The following CTRC variants were observed in gnomAD, a reference collection of about 807,000 sequenced individuals.
CTRC encodes the protein chymotrypsin C.
CTRC carries 32 observed loss-of-function variants against 35.7 expected under a neutral mutation model. The observed-to-expected ratio is 0.90, with a 90% CI of 0.68 to 1.20. The LOEUF (loss-of-function observed/expected upper bound fraction) is 1.20. Among genes scored for constraint, CTRC ranks in the 50% most tolerant of loss-of-function variants. CTRC has a pLI of 0.00. For missense variants in CTRC, 324 were observed against 361.5 expected (o/e 0.90, Z 0.84); for synonymous variants, 119 against 149.5 (o/e 0.80, Z 1.49).
In CTRC at chr1:15,440,486, C is replaced by A. The variant is rs1350345381; in HGVS notation, c.133-7C>A. On this transcript the variant is annotated splice_polypyrimidine_tract_variant and splice_region_variant and intron_variant, in intron 2 of 7. Transcript: ENST00000375949. ...GCTGACACACAGCCCTCCCCACCCT[C>A]CTGCAGATCTCCCTCCAGTACCTCA... 1 of 1,614,104 alleles carries A rather than the reference C, an allele frequency of 6.2e-7. No homozygotes were observed. The highest frequency in any genetic ancestry group is 1.7e-5 in the Admixed American group (1 of 60,026).
chr1:15,446,353 C>A (rs879331786), intron 7 of CTRC, among the ~76,000 whole-genome samples: 8 of 152,244 alleles, frequency 5.3e-5, no homozygotes, highest in Non-Finnish European at 1.2e-4. Flanking sequence ...TCACCCTGGG[C>A]TGGGGGCTTC....
At position 15,447,983 on chromosome 1, in the gene CTRC, A is replaced by C. The variant is rs1708245278; in HGVS notation, c.*1394A>C. The C allele has an allele frequency of 6.6e-6, 1 of 151,708 alleles. No homozygotes were observed. Among genetic ancestry groups the C allele is most frequent in the African/African-American group, 2.4e-5 (1 of 40,988 alleles). 9.4% of individuals were successfully genotyped at this position (151,708 alleles called of 1,614,324 possible). ...CCCTGGTATACATTTGAAAACAGAA[A>C]TACAGACCAGAAGCATAGAAACAGG... On this transcript the variant is annotated 3_prime_UTR_variant, in exon 8 of 8. Transcript: ENST00000375949.
At chr1:15,444,842 G>C (rs968745495) in intron 6 of CTRC, 91 bp downstream of exon 6, 2 of 1,551,658 alleles carry the variant, frequency 1.3e-6, no homozygotes, top group South Asian at 2.2e-5. Flanking sequence ...CCCTTCTCCT[G>C]GGAGGAGACT....
chr1:15,446,438 A>G lies in CTRC; in HGVS notation c.793-137A>G, dbSNP rs555015. The stretch of plus-strand genomic sequence containing the variant: ...AATGCTGAGGGCCTCAGACCCCTTG[A>G]ACAGGGACAAGGCTGGCATGTGAAG... On this transcript the variant is annotated intron_variant, in intron 7 of 7. Coordinates refer to ENST00000375949, the MANE Select transcript of CTRC (RefSeq NM_007272.3). 0.51 allele frequency: 430,848 copies of G among 847,296 alleles called. 112,527 individuals are homozygous for G. The highest frequency in any genetic ancestry group is 0.75 in the African/African-American group (45,144 of 59,914). The allele number at this position is 847,296 out of a possible 1,614,324, so 52.5% of individuals were successfully genotyped here. A position where few individuals can be genotyped will look rare whatever the true frequency, so the allele number is the denominator to read the frequency against.
At chr1:15,441,790 T>C (rs1708137043) in intron 3 of CTRC, among the ~76,000 whole-genome samples, 1 of 151,790 alleles carries the variant, frequency 6.6e-6, no homozygotes, top group Non-Finnish European at 1.5e-5. Flanking sequence ...CCTCCCACCT[T>C]AGCCTCCCGA....
At chr1:15,443,041 C>T (rs1358469941) in intron 4 of CTRC, among the ~76,000 whole-genome samples, 16 of 152,198 alleles carry the variant, frequency 1.1e-4, no homozygotes. Flanking sequence ...ATTCTTGTAA[C>T]ATGAAAATAT....
Position 15,445,738 on chromosome 1 carries a change from T to C in CTRC, c.781T>C (p.Trp261Arg), listed in dbSNP as rs1183027748. ...CACCCGGGTGTCCGCCTACATCGACTGGATCAACGAGGTGGGTGCTGCCTC... is the reference window on the plus strand; with the variant it reads ...CACCCGGGTGTCCGCCTACATCGACCGGATCAACGAGGTGGGTGCTGCCTC... ...VYTRVSAYID[W>R]INEKMQL Residue 261 changes from tryptophan (W) to arginine (R), a missense_variant, in exon 7 of 8, where the codon TGG (tryptophan) becomes CGG (arginine). By Grantham distance (101) the Trp-to-Arg change is moderately radical. Transcript: ENST00000375949. 4 of 1,614,142 alleles carry C rather than the reference T, an allele frequency of 2.5e-6. No homozygotes were observed. The South Asian group carries it at 3.3e-5, about 13-fold the overall frequency.
rs1184042097 is a variant in CTRC at position 15,442,648 on chromosome 1, GCCTGTCGCACCCCATA to G, written c.356+81_356+96del. ...GGGGTCCCCAAGACGGAGCCGCAGA[GCCTGTCGCACCCCATA>G]CCTGACACCCCATCCTCACCCTGGA... On this transcript the variant is annotated intron_variant, in intron 4 of 7. Coordinates refer to ENST00000375949, the MANE Select transcript of CTRC (RefSeq NM_007272.3). 6 of 1,594,724 alleles carry G rather than the reference GCCTGTCGCACCCCATA, an allele frequency of 3.8e-6. No individual in the cohort carries two copies. In the East Asian group the frequency reaches 1.1e-4, roughly 30 times the overall value.
chr1:15,440,541 G>GGGA lies in CTRC; in HGVS notation c.182_184dup (p.Gly61_Thr62insArg). The GGGA allele has an allele frequency of 6.2e-7, 1 of 1,614,170 alleles. No individual in the cohort carries two copies. The highest frequency in any genetic ancestry group is 8.5e-7 in the Non-Finnish European group (1 of 1,180,018). ...CGACACGTGGAGGCATACGTGTGGC[G>GGGA]GGACTTTGATTGCTAGCAACTTCGT... On this transcript the variant is annotated inframe_insertion, in exon 3 of 8. Coordinates refer to ENST00000375949, the MANE Select transcript of CTRC (RefSeq NM_007272.3).
intron 1 of CTRC, among the ~76,000 whole-genome samples, chr1:15,439,522 C>T (rs1570780840): frequency 6.6e-6 from 1 of 151,988 alleles, no homozygotes; most frequent in East Asian, 1.9e-4. Context: ...GACTTAGTAT[C>T]TTGCCTGACA....
intron 4 of CTRC, 50 bp from the exon 5 acceptor site, chr1:15,443,369 G>T: frequency 6.2e-7 from 1 of 1,613,338 alleles, no homozygotes; most frequent in Non-Finnish European, 8.5e-7. Flanking sequence ...GCCTGAGCTT[G>T]TGGGGCCAGG....
chr1:15,440,204 C>T, intron 1 of CTRC, 96 bp from the exon 2 acceptor site: 1 of 1,152,122 alleles, frequency 8.7e-7, no homozygotes, highest in Non-Finnish European at 1.3e-6. Flanking sequence ...TGCCCAGCCC[C>T]AACTCTGTGC....
chr1:15,446,840 AG>A lies in CTRC; in HGVS notation c.*256del, dbSNP rs1464965287. 8.3e-6 allele frequency: 5 copies of A among 602,972 alleles called. No homozygotes were observed. Among genetic ancestry groups the A allele is most frequent in the Non-Finnish European group, 1.5e-5 (5 of 335,640 alleles). 37.4% of individuals were successfully genotyped at this position (602,972 alleles called of 1,614,324 possible). A position where few individuals can be genotyped will look rare whatever the true frequency, so the allele number is the denominator to read the frequency against. On this transcript the variant is annotated 3_prime_UTR_variant, in exon 8 of 8. Transcript: ENST00000375949. ...GCCTCCTGGGGCATTAATGGGAGGC[AG>A]GGGGCTGGGGTGGAGAGCCCAGGGA...
chr1:15,445,605 C>T lies in CTRC; in HGVS notation c.648C>T (p.Ser216=), dbSNP rs755130943. ...DGVISACNGD[S]GGPLNCQLEN... is the part of the protein sequence containing the mutation. ...CTCCCGGTCTGGTGCAGGGGGACTCCGGTGGCCCACTGAACTGCCAGTTGG... is the reference window on the plus strand; with the variant it reads ...CTCCCGGTCTGGTGCAGGGGGACTCTGGTGGCCCACTGAACTGCCAGTTGG... The change falls in exon 7 of 8, where the codon TCC becomes TCT. Residue 216 remains serine (S), a synonymous_variant. Coordinates refer to ENST00000375949, the MANE Select transcript of CTRC (RefSeq NM_007272.3). The T allele has an allele frequency of 1.1e-5, 18 of 1,614,086 alleles. No homozygotes were observed. The highest frequency in any genetic ancestry group is 1.6e-4 in the Middle Eastern group (1 of 6,084).
intron 6 of CTRC, 21 bp downstream of exon 6, chr1:15,444,772 C>T (rs1449080158): frequency 4.3e-6 from 7 of 1,614,112 alleles, no homozygotes; most frequent in Middle Eastern, 1.6e-4. Context: ...AGGTTCTGCA[C>T]CTTGTCCCTA....
At chr1:15,442,402 C>A (rs759984511) in intron 3 of CTRC, 45 bp from the exon 4 acceptor site, 6 of 1,577,226 alleles carry the variant, frequency 3.8e-6, no homozygotes, top group East Asian at 2.4e-5. Context: ...CACTGGCTGG[C>A]AGGACCAGGG....
At chr1:15,443,361 C>T in intron 4 of CTRC, 58 bp from the exon 5 acceptor site, 2 of 1,612,664 alleles carry the variant, frequency 1.2e-6, no homozygotes, top group Non-Finnish European at 8.5e-7. Flanking sequence ...GCCCCTTAGC[C>T]TGAGCTTGTG....
chr1:15,445,778 C>A (rs979036266), intron 7 of CTRC, 29 bp downstream of exon 7: 1 of 1,613,428 alleles, frequency 6.2e-7, no homozygotes, highest in South Asian at 1.1e-5. Flanking sequence ...GCTGTCCCTG[C>A]ACCTGTCAGC....
At chr1:15,445,823 C>A in intron 7 of CTRC, 74 bp downstream of exon 7, 1 of 1,542,566 alleles carries the variant, frequency 6.5e-7, no homozygotes, top group South Asian at 1.1e-5. Flanking sequence ...CTCACTCATT[C>A]ACTCATTCAT....
Sources: allele counts gnomAD v4.1 joint callset (sites outside exome capture counted in the v4.1 genomes callset), GRCh38; gene constraint gnomAD v4.1.1; transcripts MANE v1.5; gene names NCBI Gene and HGNC (gene_info 2026-07-23, HGNC 2026-07-21).